Variants in KCNH1 observed in about 807,000 individuals in gnomAD.
The protein encoded by KCNH1 is voltage-gated delayed rectifier potassium channel KCNH1.
KCNH1 carries 27 observed loss-of-function variants against 69.2 expected under a neutral mutation model. The ratio of observed to expected loss-of-function variants is 0.39; its 90% confidence interval spans 0.29 to 0.54. KCNH1 has a LOEUF of 0.54. KCNH1 is among the 20% of genes least tolerant of loss of function. The pLI is 0.68. For missense variants in KCNH1, 798 were observed against 1,261.6 expected (o/e 0.63, Z 5.57); for synonymous variants, 456 against 487.7 (o/e 0.93, Z 0.86).
chr1:211,110,518 A>G (rs536911778), intron 1 of KCNH1, among the ~76,000 whole-genome samples: 42 of 152,346 alleles, frequency 2.8e-4, no homozygotes, highest in Non-Finnish European at 5.6e-4. Context: ...TCATGGTCAC[A>G]TCATTGTAGG....
chr1:211,038,096 G>T (rs1339721051), intron 5 of KCNH1, among the ~76,000 whole-genome samples: 1 of 151,604 alleles, frequency 6.6e-6, no homozygotes, highest in Non-Finnish European at 1.5e-5. Flanking sequence ...AGTAGCTGGG[G>T]CTACCGGCAC....
At chr1:210,716,752 G>C (rs960077095) in intron 10 of KCNH1, among the ~76,000 whole-genome samples, 1 of 152,124 alleles carries the variant, frequency 6.6e-6, no homozygotes, top group African/African-American at 2.4e-5. Flanking sequence ...CAGGCTTCTC[G>C]AGGAGGCTTG....
chr1:210,718,863 G>C (rs1682377534), intron 10 of KCNH1, among the ~76,000 whole-genome samples: 2 of 151,746 alleles, frequency 1.3e-5, no homozygotes, highest in Non-Finnish European at 2.9e-5. Context: ...TGGCTAAGAG[G>C]GAGCCACCCC....
intron 6 of KCNH1, among the ~76,000 whole-genome samples, chr1:210,944,556 G>T (rs1400768838): frequency 6.6e-6 from 1 of 152,176 alleles, no homozygotes; most frequent in Admixed American, 6.5e-5. Context: ...GGGACCCCAG[G>T]GGTCACTGAG....
intron 6 of KCNH1, among the ~76,000 whole-genome samples, chr1:210,995,201 A>G (rs964429288): frequency 5.3e-5 from 8 of 152,166 alleles, no homozygotes; most frequent in Admixed American, 5.2e-4. Context: ...CTTCCAAAAA[A>G]TCTTTAAAAG....
intron 10 of KCNH1, among the ~76,000 whole-genome samples, chr1:210,736,028 T>C (rs1218934014): frequency 6.6e-6 from 1 of 152,200 alleles, no homozygotes; most frequent in African/African-American, 2.4e-5. Flanking sequence ...CATTGTTTTA[T>C]TTTTAGTTTT....
chr1:210,734,166 A>G (rs1682813725), intron 10 of KCNH1, among the ~76,000 whole-genome samples: 1 of 152,226 alleles, frequency 6.6e-6, no homozygotes, highest in Admixed American at 6.5e-5. Flanking sequence ...TGAATTCCAA[A>G]TGATTAAAGA....
chr1:210,860,968 G>C, intron 7 of KCNH1: 5 of 989,800 alleles, frequency 5.1e-6, no homozygotes, highest in South Asian at 1.3e-5. Context: ...TTCAGCTAAA[G>C]AGCCAATCAT....
At chr1:210,791,849 A>G (rs2102393272) in intron 9 of KCNH1, among the ~76,000 whole-genome samples, 1 of 152,354 alleles carries the variant, frequency 6.6e-6, no homozygotes, top group African/African-American at 2.4e-5. Context: ...AAGGAAGCTA[A>G]CTAAGCAAAA....
rs558104485 is a variant in KCNH1, at chr1:210,730,406, A to T, written c.2112+44942T>A. Among the ~76,000 whole-genome samples, 24 of 152,272 alleles carry T rather than the reference A, an allele frequency of 1.6e-4. No individual in the cohort carries two copies. In the South Asian group the frequency reaches 5.0e-3, roughly 32 times the overall value. ...GCTCTTGACAGGGGAGGTTAAACAA[A>T]AAAGGAGTGAAATGGCCCACACCAT... On this transcript the variant is annotated intron_variant, in intron 10 of 10. Transcript: ENST00000271751.
intron 10 of KCNH1, among the ~76,000 whole-genome samples, chr1:210,745,687 G>A (rs1268393302): frequency 2.1e-5 from 3 of 146,220 alleles, no homozygotes; most frequent in African/African-American, 4.9e-5. Flanking sequence ...AGATAAACCC[G>A]CTCCCACCCG....
At chr1:210,876,150 G>A (rs1319914018) in intron 7 of KCNH1, among the ~76,000 whole-genome samples, 2 of 152,210 alleles carry the variant, frequency 1.3e-5, no homozygotes, top group Non-Finnish European at 2.9e-5. Context: ...CATAAGGACA[G>A]TAATATATGA....
intron 9 of KCNH1, among the ~76,000 whole-genome samples, chr1:210,791,907 TA>T (rs536340976): frequency 5.9e-5 from 9 of 152,008 alleles, no homozygotes; most frequent in South Asian, 4.1e-4. Context: ...GGTGTCCTTC[TA>T]AAAAAAATAA....
In KCNH1 at chr1:210,742,688, A is replaced by G. The variant is rs371045612; in HGVS notation, c.2112+32660T>C. On this transcript the variant is annotated intron_variant, in intron 10 of 10. Transcript: ENST00000271751. ...CCGCACCTTCCCAGCTCTTATCTCT[A>G]GACAAGGGCTCAGGGGCTCAAGGAG... is the stretch of plus-strand genomic sequence containing the variant. Among the ~76,000 whole-genome samples the G allele has an allele frequency of 2.5e-4, 38 of 152,258 alleles. No homozygotes were observed. In the South Asian group the frequency reaches 5.6e-3, roughly 22 times the overall value.
chr1:210,822,355 C>T (rs4951640), intron 7 of KCNH1, among the ~76,000 whole-genome samples: 40,037 of 151,770 alleles, frequency 0.26, 5,509 homozygotes, highest in African/African-American at 0.35. Flanking sequence ...AGGGGCCAGG[C>T]GGGAAGCCTT....
intron 1 of KCNH1, among the ~76,000 whole-genome samples, chr1:211,129,415 T>G (rs2102504722): frequency 6.6e-6 from 1 of 152,336 alleles, no homozygotes; most frequent in Admixed American, 6.5e-5. Context: ...ACATCTATTC[T>G]TTTAAGATAG....
intron 10 of KCNH1, among the ~76,000 whole-genome samples, chr1:210,686,421 TG>T (rs1251972279): frequency 1.3e-5 from 2 of 152,234 alleles, no homozygotes; most frequent in Non-Finnish European, 2.9e-5. Context: ...CCAACTCCAA[TG>T]GCCCTTTCTA....
chr1:211,096,097 T>C (rs1691146360), intron 3 of KCNH1, among the ~76,000 whole-genome samples: 1 of 151,666 alleles, frequency 6.6e-6, no homozygotes, highest in African/African-American at 2.4e-5. Context: ...GGAGTCTCAC[T>C]CTATTGCCTA....
chr1:210,962,875 C>T (rs565857739), intron 6 of KCNH1, among the ~76,000 whole-genome samples: 2 of 149,316 alleles, frequency 1.3e-5, no homozygotes, highest in African/African-American at 5.0e-5. Context: ...CTAACAGTAT[C>T]TAGTTGCAGT....
Sources: gnomAD v4.1 joint callset for allele counts (sites outside exome capture counted in the v4.1 genomes callset) on GRCh38, gnomAD v4.1.1 for gene constraint, MANE v1.5 for transcripts, NCBI Gene and HGNC (gene_info 2026-07-23, HGNC 2026-07-21) for gene names.